Variants in PRRX2 observed in about 807,000 individuals in gnomAD.
PRRX2 encodes paired mesoderm homeobox protein 2.
Under a neutral mutation model 18.0 loss-of-function variants are expected in PRRX2, and 11 were observed. The observed-to-expected ratio is 0.61, with a 90% CI of 0.39 to 1.01. PRRX2 has a LOEUF of 1.01. PRRX2 is among the 50% of genes least tolerant of loss of function. The pLI, the probability that PRRX2 is intolerant of heterozygous loss-of-function variation, is 0.01. For synonymous variants in PRRX2, 177 were observed against 154.8 expected, an observed-to-expected ratio of 1.14 and a Z score of -1.06; for missense variants, 387 against 351.0, an observed-to-expected ratio of 1.10 and a Z score of -0.82.
chr9:129,668,696 G>GAA (rs1832058512), intron 1 of PRRX2, among the ~76,000 whole-genome samples: 1 of 146,116 alleles, frequency 6.8e-6, no homozygotes, highest in Admixed American at 7.0e-5. Flanking sequence ...AGAATCCCTT[G>GAA]AACCCGGGAG....
intron 1 of PRRX2, among the ~76,000 whole-genome samples, chr9:129,686,369 C>T (rs1564147911): frequency 6.6e-6 from 1 of 152,204 alleles, no homozygotes; most frequent in Non-Finnish European, 1.5e-5. Context: ...GTTTTTGAGA[C>T]TTGGTCTTGC....
At chr9:129,697,769 GC>G (rs1832445740) in intron 1 of PRRX2, among the ~76,000 whole-genome samples, 1 of 152,010 alleles carries the variant, frequency 6.6e-6, no homozygotes, top group South Asian at 2.1e-4. Context: ...TCAGAAACCT[GC>G]CCCCCTGCTA....
intron 1 of PRRX2, among the ~76,000 whole-genome samples, chr9:129,674,784 G>A (rs776940178): frequency 6.6e-6 from 1 of 152,160 alleles, no homozygotes; most frequent in Non-Finnish European, 1.5e-5. Context: ...GACACACCCT[G>A]TGGCTGGTCT....
intron 1 of PRRX2, among the ~76,000 whole-genome samples, chr9:129,690,529 C>T (rs892496949): frequency 2.8e-5 from 4 of 141,086 alleles, no homozygotes; most frequent in Non-Finnish European, 6.1e-5. Flanking sequence ...TTTTTTAAGA[C>T]GGAGTCTCGC....
chr9:129,689,972 C>T (rs1832341661), intron 1 of PRRX2, among the ~76,000 whole-genome samples: 1 of 151,180 alleles, frequency 6.6e-6, no homozygotes, highest in South Asian at 2.1e-4. Flanking sequence ...AGGATGGTCT[C>T]AATCTCTTGA....
chr9:129,675,057 G>A lies in PRRX2; in HGVS notation c.259+8931G>A, dbSNP rs371052942. Among the ~76,000 whole-genome samples, 148 of 152,254 alleles carry A rather than the reference G, an allele frequency of 9.7e-4. No individual in the cohort carries two copies. Among genetic ancestry groups the A allele is most frequent in the African/African-American group, 3.2e-3 (134 of 41,532 alleles). On this transcript the variant is annotated intron_variant, in intron 1 of 3. Transcript: ENST00000372469. This position sits in a 1 kb window ranked among gnomAD's most constrained non-coding sequence, Gnocchi z 4.4. ...CTCCATTACCCTCCTCAGTTTACCC[G>A]AGTGGAAAGCGGTCCTCTCGAGGGG...
chr9:129,668,071 CGATGGAGCCCTGGCAGGGAGAG>C (rs1832049494), intron 1 of PRRX2, among the ~76,000 whole-genome samples: 1 of 152,176 alleles, frequency 6.6e-6, no homozygotes, highest in African/African-American at 2.4e-5. Context: ...GCCCTGAGGA[CGATGGAGCCCTGGCAGGGAGAG>C]TCCCTGGGCT....
At chr9:129,691,201 A>G (rs931899493) in intron 1 of PRRX2, among the ~76,000 whole-genome samples, 1 of 151,034 alleles carries the variant, frequency 6.6e-6, no homozygotes, top group Non-Finnish European at 1.5e-5. Flanking sequence ...GACACGCGTC[A>G]TGGCGGGAAC....
intron 1 of PRRX2, among the ~76,000 whole-genome samples, chr9:129,669,058 A>AG (rs1564362562): frequency 6.8e-6 from 1 of 146,120 alleles, no homozygotes; most frequent in African/African-American, 2.5e-5. Flanking sequence ...GAGGCAGGAG[A>AG]AAAAAAAAAG....
intron 1 of PRRX2, among the ~76,000 whole-genome samples, chr9:129,699,156 C>G (rs533554104): frequency 2.6e-5 from 4 of 152,370 alleles, no homozygotes; most frequent in East Asian, 3.9e-4. Flanking sequence ...GGCGCAGTGG[C>G]TCACGCCCAT....
In PRRX2 at chr9:129,709,119, G is replaced by A. The variant is rs1832589284; in HGVS notation, c.260-10112G>A. Among the ~76,000 whole-genome samples, 1 of 152,078 alleles carries A rather than the reference G, an allele frequency of 6.6e-6. No individual in the cohort carries two copies. Among genetic ancestry groups the A allele is most frequent in the Non-Finnish European group, 1.5e-5 (1 of 68,010 alleles). ...TCCAGGGCTGGGTCAGCTTTAGCCA[G>A]TGCGGTGGGGATGGGGGAAGGGTGC... On this transcript the variant is annotated intron_variant, in intron 1 of 3. Transcript: ENST00000372469. This position sits in a 1 kb window ranked among gnomAD's most constrained non-coding sequence, Gnocchi z 4.2.
At chr9:129,697,265 G>A (rs13300147) in intron 1 of PRRX2, among the ~76,000 whole-genome samples, 1 of 152,168 alleles carries the variant, frequency 6.6e-6, no homozygotes, top group Admixed American at 6.5e-5. Context: ...AGGTGTCTGA[G>A]CTGGAAGGAA....
intron 1 of PRRX2, among the ~76,000 whole-genome samples, chr9:129,707,282 T>C (rs1832569173): frequency 6.6e-6 from 1 of 151,906 alleles, no homozygotes; most frequent in South Asian, 2.1e-4. Flanking sequence ...AATAAATAAA[T>C]AAAAGAAATC....
At chr9:129,711,601 G>A (rs910680495) in intron 1 of PRRX2, among the ~76,000 whole-genome samples, 1 of 151,922 alleles carries the variant, frequency 6.6e-6, no homozygotes, top group African/African-American at 2.4e-5. Context: ...AGAGACCGGG[G>A]TTTCACCATG....
At chr9:129,713,579 C>A (rs1832659060) in intron 1 of PRRX2, among the ~76,000 whole-genome samples, 1 of 151,982 alleles carries the variant, frequency 6.6e-6, no homozygotes, top group African/African-American at 2.4e-5. Flanking sequence ...GAGGGGTTCG[C>A]AGCCTTGGCT....
chr9:129,703,602 C>T (rs929114681), intron 1 of PRRX2, among the ~76,000 whole-genome samples: 9 of 152,172 alleles, frequency 5.9e-5, no homozygotes, highest in Non-Finnish European at 1.0e-4. Flanking sequence ...ACAGTACCCT[C>T]TGCATTGTAC....
chr9:129,720,554 C>T lies in PRRX2; in HGVS notation c.448-42C>T. ...ACCCAGGTCCAGAAGGACTTGGGTC[C>T]CCCCTGCCCATGCTGCACCCTGCTC... On this transcript the variant is annotated intron_variant, in intron 2 of 3. Transcript: ENST00000372469. 3 of 1,534,326 alleles carry T rather than the reference C, an allele frequency of 2.0e-6. 1 individual carries two copies. The highest frequency in any genetic ancestry group is 2.5e-5 in the South Asian group (2 of 79,840).
intron 1 of PRRX2, among the ~76,000 whole-genome samples, chr9:129,689,049 C>A (rs1342565876): frequency 1.3e-5 from 2 of 152,182 alleles, no homozygotes; most frequent in African/African-American, 4.8e-5. Flanking sequence ...TCGTTGGCTG[C>A]GGGTAGGCTC....
At chr9:129,666,989 C>T (rs1449036207) in intron 1 of PRRX2, among the ~76,000 whole-genome samples, 2 of 151,988 alleles carry the variant, frequency 1.3e-5, no homozygotes, top group Non-Finnish European at 1.5e-5. Context: ...CCCCGGGGGA[C>T]CCTGTTCCCG....
Sources: allele counts gnomAD v4.1 joint callset (sites outside exome capture counted in the v4.1 genomes callset), GRCh38; gene constraint gnomAD v4.1.1; non-coding constraint Gnocchi (gnomAD v3.1); transcripts MANE v1.5; gene names NCBI Gene and HGNC (gene_info 2026-07-23, HGNC 2026-07-21).